Variants in MELK observed in about 807,000 individuals in gnomAD.
MELK encodes the protein maternal embryonic leucine zipper kinase, also known as pEg3 kinase.
In MELK, 81 loss-of-function variants were observed where a neutral mutation model predicts 85.0. That is an observed-to-expected ratio of 0.95 (90% CI 0.80 to 1.15). MELK has a LOEUF of 1.15. MELK is among the 50% of genes most tolerant of loss of function. The probability of loss-of-function intolerance (pLI) is 0.00; values close to 1 mark genes in which losing one functional copy is unlikely to be tolerated. For missense variants in MELK, 754 were observed against 777.5 expected (o/e 0.97, Z 0.36); for synonymous variants, 252 against 265.0 (o/e 0.95, Z 0.48).
intron 8 of MELK, among the ~76,000 whole-genome samples, chr9:36,614,121 G>C (rs1826307714): frequency 6.8e-6 from 1 of 147,074 alleles, no homozygotes; most frequent in Non-Finnish European, 1.5e-5. Context: ...TTTTGAGACA[G>C]AGTCTCGCCC....
chr9:36,588,671 G>T (rs557524112), intron 3 of MELK, among the ~76,000 whole-genome samples: 1 of 152,014 alleles, frequency 6.6e-6, no homozygotes, highest in African/African-American at 2.4e-5. Context: ...GATCCACTGC[G>T]CCCTGCCTCA....
chr9:36,677,379 T>C lies in MELK; in HGVS notation c.*42T>C. ...TCCTGCCGGATGAGTGTGGGTGTGA[T>C]ACAGCCTACATAAAGACTGTTATGA... On this transcript the variant is annotated 3_prime_UTR_variant, in exon 18 of 18. Coordinates refer to ENST00000298048, the MANE Select transcript of MELK (RefSeq NM_014791.4). 4 of 1,542,208 alleles carry C rather than the reference T, an allele frequency of 2.6e-6. No homozygotes were observed. Among genetic ancestry groups the C allele is most frequent in the Non-Finnish European group, 3.5e-6 (4 of 1,136,292 alleles).
chr9:36,631,950 C>T (rs934121975), intron 9 of MELK, among the ~76,000 whole-genome samples: 8 of 152,182 alleles, frequency 5.3e-5, no homozygotes, highest in African/African-American at 1.9e-4. Flanking sequence ...GTATGAGCCA[C>T]GGCATCCCGC....
At chr9:36,658,558 G>T (rs1255881942) in intron 13 of MELK, among the ~76,000 whole-genome samples, 2 of 152,086 alleles carry the variant, frequency 1.3e-5, no homozygotes, top group Non-Finnish European at 2.9e-5. Context: ...TGGTTCTTCA[G>T]ATGTTTCCTT....
intron 8 of MELK, among the ~76,000 whole-genome samples, chr9:36,610,773 A>G (rs1159878807): frequency 6.6e-6 from 1 of 152,210 alleles, no homozygotes; most frequent in Non-Finnish European, 1.5e-5. Context: ...GCTCCAGTCA[A>G]CAGAAGTGGT....
At chr9:36,601,602 T>G (rs184334030) in intron 7 of MELK, among the ~76,000 whole-genome samples, 1 of 152,216 alleles carries the variant, frequency 6.6e-6, no homozygotes, top group Admixed American at 6.5e-5. Context: ...ATTTACCATC[T>G]TAACTGTTTT....
At chr9:36,606,486 T>C in intron 7 of MELK, among the ~76,000 whole-genome samples, 1 of 142,818 alleles carries the variant, frequency 7.0e-6, no homozygotes, top group South Asian at 2.1e-4. Context: ...TACATATGTA[T>C]AGGTGTGTAT....
At chr9:36,675,624 AC>A (rs1833280496) in intron 17 of MELK, among the ~76,000 whole-genome samples, 1 of 152,148 alleles carries the variant, frequency 6.6e-6, no homozygotes, top group Non-Finnish European at 1.5e-5. Context: ...TGGCTGTTTT[AC>A]AGGGCTGGGT....
chr9:36,574,452 A>AAAAAAAAAG (rs1821430619), intron 1 of MELK, among the ~76,000 whole-genome samples: 1 of 147,132 alleles, frequency 6.8e-6, no homozygotes, highest in Non-Finnish European at 1.5e-5. Flanking sequence ...AAAAAAAAAA[A>AAAAAAAAAG]ATTAACCGGG....
chr9:36,630,133 C>T (rs1226400510), intron 8 of MELK, 166 bp from the exon 9 acceptor site: 2 of 635,826 alleles, frequency 3.1e-6, no homozygotes, highest in African/African-American at 1.8e-5. Context: ...GTGTGAGCCA[C>T]CACGCCCAGC....
chr9:36,665,755 AATTT>A (rs1239338953), intron 14 of MELK, among the ~76,000 whole-genome samples, 174 bp downstream of exon 14: 3 of 152,312 alleles, frequency 2.0e-5, no homozygotes, highest in African/African-American at 7.2e-5. Context: ...TGTCAATTTC[AATTT>A]ATTCTCAAAT....
At chr9:36,674,767 A>T in intron 16 of MELK, 67 bp from the exon 17 acceptor site, 1 of 899,132 alleles carries the variant, frequency 1.1e-6, no homozygotes, top group Non-Finnish European at 1.8e-6. Flanking sequence ...GGAACTCTTG[A>T]TCTGGTGTGA....
intron 13 of MELK, among the ~76,000 whole-genome samples, 169 bp downstream of exon 13, chr9:36,657,532 C>T (rs764842189): frequency 6.6e-5 from 10 of 152,150 alleles, no homozygotes; most frequent in Non-Finnish European, 1.5e-4. Flanking sequence ...CAATTATATC[C>T]AAGTTGAAGA....
chr9:36,588,401 C>T (rs112189335), intron 3 of MELK, among the ~76,000 whole-genome samples: 23 of 125,160 alleles, frequency 1.8e-4, no homozygotes, highest in South Asian at 5.2e-4. Flanking sequence ...TTTTTTGAGA[C>T]GGAGTTTCGC....
In MELK at chr9:36,639,276, A is replaced by C. The variant is rs528721729; in HGVS notation, c.835-3721A>C. ...TGCCTTGCAGAGCTGTTACAGGATCAAATGAATTATATACAGGAGAGGCAT... is the reference window on the plus strand; with the variant it reads ...TGCCTTGCAGAGCTGTTACAGGATCCAATGAATTATATACAGGAGAGGCAT... On this transcript the variant is annotated intron_variant, in intron 10 of 17. Transcript: ENST00000298048. 9.2e-5 allele frequency among the ~76,000 whole-genome samples: 14 copies of C among 152,368 alleles called. 1 individual carries two copies. In the South Asian group the frequency reaches 2.9e-3, roughly 32 times the overall value.
intron 12 of MELK, among the ~76,000 whole-genome samples, chr9:36,654,696 CT>C (rs1831056750): frequency 6.6e-6 from 1 of 152,032 alleles, no homozygotes; most frequent in African/African-American, 2.4e-5. Flanking sequence ...CTCAATTGAT[CT>C]GCTTATATGA....
At chr9:36,657,018 T>TACA (rs1831316493) in intron 12 of MELK, among the ~76,000 whole-genome samples, 1 of 152,230 alleles carries the variant, frequency 6.6e-6, no homozygotes, top group Admixed American at 6.5e-5. Flanking sequence ...GTTTGTAGTG[T>TACA]AGGAGCAACA....
At chr9:36,628,774 T>C (rs1477728878) in intron 8 of MELK, among the ~76,000 whole-genome samples, 2 of 152,146 alleles carry the variant, frequency 1.3e-5, no homozygotes, top group African/African-American at 2.4e-5. Context: ...TATTACTCTT[T>C]ATAGTTGTTG....
At chr9:36,660,440 C>G (rs990504450) in intron 13 of MELK, among the ~76,000 whole-genome samples, 1 of 152,028 alleles carries the variant, frequency 6.6e-6, no homozygotes, top group Non-Finnish European at 1.5e-5. Flanking sequence ...GCCTCAGCCT[C>G]CCGAGTATCG....
Sources: gnomAD v4.1 joint callset for allele counts (sites outside exome capture counted in the v4.1 genomes callset) on GRCh38, gnomAD v4.1.1 for gene constraint, MANE v1.5 for transcripts, NCBI Gene and HGNC (gene_info 2026-07-23, HGNC 2026-07-21) for gene names.